PLEKHA5: variants seen among roughly 807,000 people sequenced by gnomAD.
PLEKHA5 encodes the protein pleckstrin homology domain-containing family A member 5.
A neutral mutation model predicts 181.9 loss-of-function variants in PLEKHA5; 55 were observed. That is an observed-to-expected ratio of 0.30 (90% CI 0.24 to 0.38). PLEKHA5 has a LOEUF of 0.38. PLEKHA5 is among the 10% of genes least tolerant of loss of function. PLEKHA5 has a pLI of 1.00. For missense variants in PLEKHA5, 1,432 were observed against 1,549.5 expected, an observed-to-expected ratio of 0.92 and a Z score of 1.27; for synonymous variants, 535 against 529.4, an observed-to-expected ratio of 1.01 and a Z score of -0.15.
intron 11 of PLEKHA5, among the ~76,000 whole-genome samples, chr12:19,280,711 A>G (rs1339232127): frequency 2.6e-5 from 4 of 151,304 alleles, no homozygotes; most frequent in Non-Finnish European, 5.9e-5. Flanking sequence ...TAAGATGAAT[A>G]CTTGTAATTT....
chr12:19,287,935 G>A (rs973510372), intron 13 of PLEKHA5: 6 of 227,142 alleles, frequency 2.6e-5, no homozygotes, highest in Middle Eastern at 1.9e-3. Flanking sequence ...AAAATTAGCC[G>A]GGCATGGTGG....
intron 3 of PLEKHA5, among the ~76,000 whole-genome samples, chr12:19,206,988 G>A (rs983940878): frequency 2.0e-5 from 3 of 152,060 alleles, no homozygotes; most frequent in Non-Finnish European, 4.4e-5. Context: ...TAAGTCATTC[G>A]CTAATAGCCA....
chr12:19,203,045 T>G (rs1175583945), intron 3 of PLEKHA5, among the ~76,000 whole-genome samples: 1 of 152,040 alleles, frequency 6.6e-6, no homozygotes, highest in Non-Finnish European at 1.5e-5. Context: ...AAAGAATAAG[T>G]GATATATAAG....
At chr12:19,221,289 A>G (rs1208052848) in intron 3 of PLEKHA5, among the ~76,000 whole-genome samples, 1 of 152,202 alleles carries the variant, frequency 6.6e-6, no homozygotes, top group East Asian at 1.9e-4. Context: ...GGTATATCCA[A>G]ATAATGGAAT....
At chr12:19,158,169 A>C (rs1196091877) in intron 3 of PLEKHA5, among the ~76,000 whole-genome samples, 1 of 151,962 alleles carries the variant, frequency 6.6e-6, no homozygotes, top group East Asian at 1.9e-4. Context: ...TAGCTAACAC[A>C]GTGAAACCCC....
At chr12:19,353,682 C>T (rs182410431) in intron 25 of PLEKHA5, among the ~76,000 whole-genome samples, 65 of 152,240 alleles carry the variant, frequency 4.3e-4, no homozygotes, top group Admixed American at 4.1e-3. Context: ...TGGTCTCAAA[C>T]TCCTGACCTC....
chr12:19,348,850 T>G (rs954029696), intron 25 of PLEKHA5, among the ~76,000 whole-genome samples: 1 of 152,042 alleles, frequency 6.6e-6, no homozygotes, highest in East Asian at 1.9e-4. Flanking sequence ...GAATCCCAGT[T>G]ACCCGGGAGG....
At chr12:19,345,669 A>G (rs1366982997) in intron 22 of PLEKHA5, among the ~76,000 whole-genome samples, 173 bp from the exon 23 acceptor site, 1 of 152,054 alleles carries the variant, frequency 6.6e-6, no homozygotes. Flanking sequence ...AGGCTGAGGC[A>G]CAAGAATTGC....
At chr12:19,207,056 C>G (rs1290652015) in intron 3 of PLEKHA5, among the ~76,000 whole-genome samples, 1 of 151,992 alleles carries the variant, frequency 6.6e-6, no homozygotes, top group African/African-American at 2.4e-5. Flanking sequence ...TTTTTTTCAA[C>G]TAAAATATTT....
intron 5 of PLEKHA5, 55 bp downstream of exon 5, chr12:19,255,220 C>A: frequency 9.3e-7 from 1 of 1,073,562 alleles, no homozygotes; most frequent in Non-Finnish European, 1.3e-6. Flanking sequence ...GTATCTATAC[C>A]GTTACTCATA....
chr12:19,267,395 TG>T (rs1426119225), intron 8 of PLEKHA5, among the ~76,000 whole-genome samples: 2 of 152,208 alleles, frequency 1.3e-5, no homozygotes, highest in South Asian at 2.1e-4. Context: ...CAGGGGCTCA[TG>T]CCTGTAATCC....
chr12:19,289,153 G>A (rs1428157663), intron 13 of PLEKHA5, among the ~76,000 whole-genome samples: 1 of 152,114 alleles, frequency 6.6e-6, no homozygotes, highest in African/African-American at 2.4e-5. Context: ...AAAAGCAACT[G>A]TTCTTTTTCT....
At chr12:19,200,885 GT>G (rs2054030629) in intron 3 of PLEKHA5, 1 of 156,484 alleles carries the variant, frequency 6.4e-6, no homozygotes, top group South Asian at 2.0e-4. Context: ...TGATTTAAAT[GT>G]AAAAACAAAA....
At chr12:19,316,906 A>C (rs1194096639) in intron 16 of PLEKHA5, among the ~76,000 whole-genome samples, 1 of 152,198 alleles carries the variant, frequency 6.6e-6, no homozygotes, top group East Asian at 1.9e-4. Context: ...TTAATAAGTT[A>C]TTGATATTTA....
intron 3 of PLEKHA5, among the ~76,000 whole-genome samples, chr12:19,241,763 AAAAAAAAAAGAAAAG>A (rs1282403347): frequency 6.6e-6 from 1 of 151,816 alleles, no homozygotes; most frequent in Non-Finnish European, 1.5e-5. Context: ...TCCATCTAAA[AAAAAAAAAAGAAAAG>A]AAAAATAAAT....
At position 19,254,919 on chromosome 12, in the gene PLEKHA5, TCTAGAGTAA is replaced by T. The variant is rs1264344953; in HGVS notation, c.312-121_312-113del. The T allele has an allele frequency of 6.6e-6, 5 of 760,428 alleles. No homozygotes were observed. The East Asian group carries it at 1.1e-4, about 16-fold the overall frequency. The allele number at this position is 760,428 out of a possible 1,614,324, so 47.1% of individuals were successfully genotyped here. On this transcript the variant is annotated intron_variant, in intron 4 of 31. Transcript: ENST00000429027. ...GTTGTTGTAAGTATTAAGGCCTGAC[TCTAGAGTAA>T]CTAGGATCCAAGTACTGTGAAAAAG...
At chr12:19,268,260 C>T (rs1006454538) in intron 8 of PLEKHA5, among the ~76,000 whole-genome samples, 16 of 152,060 alleles carry the variant, frequency 1.1e-4, no homozygotes, top group Non-Finnish European at 2.2e-4. Context: ...GTGATATTAG[C>T]ACTATTATTA....
intron 3 of PLEKHA5, among the ~76,000 whole-genome samples, chr12:19,174,940 AT>A (rs2046840214): frequency 6.6e-6 from 1 of 152,210 alleles, no homozygotes; most frequent in Admixed American, 6.5e-5. Context: ...AGTGAGAGAA[AT>A]TTTATTTGCA....
chr12:19,265,926 T>C, intron 8 of PLEKHA5, 76 bp downstream of exon 8: 1 of 720,988 alleles, frequency 1.4e-6, no homozygotes, highest in Non-Finnish European at 2.4e-6. Flanking sequence ...CCATAGATTA[T>C]TACAAAAAAG....
Sources: gnomAD v4.1 joint callset for allele counts (sites outside exome capture counted in the v4.1 genomes callset) on GRCh38, gnomAD v4.1.1 for gene constraint, MANE v1.5 for transcripts, NCBI Gene and HGNC (gene_info 2026-07-23, HGNC 2026-07-21) for gene names.